The following RPS6KA2 variants were observed in gnomAD, a reference collection of about 807,000 sequenced individuals.
The protein encoded by RPS6KA2 is ribosomal protein S6 kinase alpha-2.
A neutral mutation model predicts 91.8 loss-of-function variants in RPS6KA2; 42 were observed. The observed-to-expected ratio is 0.46, with a 90% confidence interval of 0.36 to 0.59. The LOEUF is 0.59. Ranked by LOEUF, RPS6KA2 falls within the 20% of genes least tolerant of loss-of-function variation. RPS6KA2 has a pLI of 0.00. For synonymous variants in RPS6KA2, 414 were observed against 393.6 expected, an observed-to-expected ratio of 1.05 and a Z score of -0.61; for missense variants, 798 against 978.5, an observed-to-expected ratio of 0.82 and a Z score of 2.46.
At chr6:166,753,664 A>G (rs79615376) in intron 2 of RPS6KA2, among the ~76,000 whole-genome samples, 1,790 of 152,322 alleles carry the variant, frequency 0.012, 38 homozygotes, top group African/African-American at 0.039. Context: ...CCTCCCTACA[A>G]ACACATCTTG....
chr6:166,436,676 T>C (rs1417322633), intron 14 of RPS6KA2, among the ~76,000 whole-genome samples: 1 of 152,214 alleles, frequency 6.6e-6, no homozygotes, highest in Non-Finnish European at 1.5e-5. Flanking sequence ...GCCTCCTGGC[T>C]TCCTTGCCTC....
At chr6:166,843,366 T>C (rs970750814) in intron 2 of RPS6KA2, among the ~76,000 whole-genome samples, 1 of 152,144 alleles carries the variant, frequency 6.6e-6, no homozygotes, top group Admixed American at 6.5e-5. Context: ...GAAACCTGAA[T>C]ACTTCAAAGG....
chr6:166,704,095 A>G (rs1789609781), intron 2 of RPS6KA2, among the ~76,000 whole-genome samples: 1 of 152,246 alleles, frequency 6.6e-6, no homozygotes, highest in Non-Finnish European at 1.5e-5. Context: ...AACAGAGGTG[A>G]GAGTTATATC....
chr6:166,432,542 TG>T, intron 14 of RPS6KA2, 52 bp from the exon 15 acceptor site: 1 of 1,097,540 alleles, frequency 9.1e-7, no homozygotes. Context: ...GGCTTTCGGG[TG>T]GTATCTGCTG....
rs1326136385 is a variant in RPS6KA2 at position 166,434,384 on chromosome 6, C to A, written c.1333-1894G>T. On this transcript the variant is annotated intron_variant, in intron 14 of 20. Transcript: ENST00000265678. This position sits in a 1 kb window ranked among gnomAD's most constrained non-coding sequence, Gnocchi z 4.4. ...TTTAGCTAGGACACTAGGACTAATT[C>A]TATTGCCAACATAAATGCATCATTC... 6.6e-6 allele frequency among the ~76,000 whole-genome samples: 1 copy of A among 152,144 alleles called. No homozygotes were observed. Among genetic ancestry groups the A allele is most frequent in the African/African-American group, 2.4e-5 (1 of 41,438 alleles).
At chr6:166,745,442 G>A (rs1411702723) in intron 2 of RPS6KA2, among the ~76,000 whole-genome samples, 3 of 152,116 alleles carry the variant, frequency 2.0e-5, no homozygotes, top group Non-Finnish European at 2.9e-5. Context: ...GTGAGCCACT[G>A]CACCCGGCCC....
chr6:166,853,135 C>T (rs548366737), intron 2 of RPS6KA2, among the ~76,000 whole-genome samples: 1 of 152,066 alleles, frequency 6.6e-6, no homozygotes, highest in Admixed American at 6.6e-5. Context: ...GAAATCTAAG[C>T]GCTTTAAAAA....
At position 166,810,856 on chromosome 6, in the gene RPS6KA2, C is replaced by A. The variant is rs1339165050; in HGVS notation, c.123+47344G>T. 2.0e-5 allele frequency among the ~76,000 whole-genome samples: 3 copies of A among 152,132 alleles called. 1 individual carries two copies. The highest frequency in any genetic ancestry group is 2.0e-4 in the Admixed American group (3 of 15,290). On this transcript the variant is annotated intron_variant, in intron 2 of 21. Transcript: ENST00000503859. Reference sequence around the variant, plus strand: ...CTGATCCTCAAAACATAACAAGGACCAAATGCAGTGTACCAACACAGAGCA... The same window carrying A: ...CTGATCCTCAAAACATAACAAGGACAAAATGCAGTGTACCAACACAGAGCA...
chr6:166,831,944 GGATA>G (rs918383669), intron 2 of RPS6KA2, among the ~76,000 whole-genome samples: 12 of 151,560 alleles, frequency 7.9e-5, no homozygotes, highest in Non-Finnish European at 1.3e-4. Context: ...ATAGATGGAT[GGATA>G]GATAGCTACA....
At chr6:166,535,888 T>C (rs1043417817) in intron 2 of RPS6KA2, among the ~76,000 whole-genome samples, 14 of 152,240 alleles carry the variant, frequency 9.2e-5, no homozygotes, top group Non-Finnish European at 1.6e-4. Context: ...TCAGAGCTCA[T>C]AGACGCTTCC....
intron 2 of RPS6KA2, among the ~76,000 whole-genome samples, chr6:166,534,950 T>C (rs532659061): frequency 8.2e-4 from 125 of 152,344 alleles, no homozygotes; most frequent in African/African-American, 2.9e-3. Flanking sequence ...AACTTGCTGG[T>C]CTGCGACAGG....
Position 166,625,192 on chromosome 6 carries a change from A to C in RPS6KA2, c.99+1729T>G, listed in dbSNP as rs6938110. The stretch of plus-strand genomic sequence containing the variant: ...GTACGGGATCTGGCACACAGGAAGC[A>C]CTAATTGACTACTTGCTCTTAGACT... On this transcript the variant is annotated intron_variant, in intron 1 of 20. Coordinates refer to ENST00000265678, the MANE Select transcript of RPS6KA2 (RefSeq NM_021135.6). Among the ~76,000 whole-genome samples, 244 of 152,282 alleles carry C rather than the reference A, an allele frequency of 1.6e-3. 2 individuals are homozygous for C. Among genetic ancestry groups the C allele is most frequent in the African/African-American group, 5.6e-3 (234 of 41,566 alleles).
intron 2 of RPS6KA2, among the ~76,000 whole-genome samples, chr6:166,804,170 T>TAA (rs35887397): frequency 0.075 from 11,237 of 150,344 alleles, 474 homozygotes; most frequent in Non-Finnish European, 0.1. Flanking sequence ...TGTAAATTAG[T>TAA]AAAAAAAAAA....
rs184255876 is a variant in RPS6KA2 at position 166,845,714 on chromosome 6, G to A, written c.123+12486C>T. 1.5e-3 allele frequency among the ~76,000 whole-genome samples: 231 copies of A among 152,280 alleles called. 1 individual carries two copies. The highest frequency in any genetic ancestry group is 2.3e-3 in the Non-Finnish European group (159 of 68,010). On this transcript the variant is annotated intron_variant, in intron 2 of 21. Transcript: ENST00000503859. ...AAACCTCTGGGATACAGCAAATGCA[G>A]TGCTAAGGGGGAAGTTCATAGCATT...
At chr6:166,623,316 C>T (rs889502373) in intron 1 of RPS6KA2, among the ~76,000 whole-genome samples, 7 of 152,212 alleles carry the variant, frequency 4.6e-5, no homozygotes, top group Non-Finnish European at 7.3e-5. Flanking sequence ...ACAAACTAAG[C>T]TTTGGAGGTT....
Position 166,851,415 on chromosome 6 carries a change from C to A in RPS6KA2, c.123+6785G>T, listed in dbSNP as rs539345840. ...GCAGAAGGTGATTCTTGGCTGTGAT[C>A]GGATGAGCACAATTTTTTTCTGGAG... is the stretch of plus-strand genomic sequence containing the variant. On this transcript the variant is annotated intron_variant, in intron 2 of 21. Transcript: ENST00000503859. Among the ~76,000 whole-genome samples, 4 of 152,300 alleles carry A rather than the reference C, an allele frequency of 2.6e-5. No individual in the cohort carries two copies. The South Asian group carries it at 8.3e-4, about 32-fold the overall frequency.
At chr6:166,547,860 C>T (rs1034490220) in intron 1 of RPS6KA2, among the ~76,000 whole-genome samples, 6 of 152,204 alleles carry the variant, frequency 3.9e-5, no homozygotes, top group South Asian at 2.1e-4. Context: ...GAACAGAAAG[C>T]CTGCTTCTAT....
chr6:166,584,580 C>T (rs1243632352), intron 1 of RPS6KA2, among the ~76,000 whole-genome samples: 4 of 152,160 alleles, frequency 2.6e-5, no homozygotes, highest in Non-Finnish European at 5.9e-5. Flanking sequence ...ATGAAAAATG[C>T]CTGGGCATTC....
intron 1 of RPS6KA2, among the ~76,000 whole-genome samples, chr6:166,590,232 T>C (rs3778384): frequency 0.33 from 50,164 of 152,102 alleles, 8,957 homozygotes; most frequent in East Asian, 0.54. Context: ...TTGGACATAG[T>C]GGGAAATAGA....
Sources: gnomAD v4.1 joint callset for allele counts (sites outside exome capture counted in the v4.1 genomes callset) on GRCh38, gnomAD v4.1.1 for gene constraint, Gnocchi (gnomAD v3.1) non-coding constraint, MANE v1.5 for transcripts, NCBI Gene and HGNC (gene_info 2026-07-23, HGNC 2026-07-21) for gene names.